Variants in IQGAP2 observed in about 807,000 individuals in gnomAD.
The protein encoded by IQGAP2 is ras GTPase-activating-like protein IQGAP2.
Under a neutral mutation model 201.3 loss-of-function variants are expected in IQGAP2, and 173 were observed. The ratio of observed to expected loss-of-function variants is 0.86; its 90% CI spans 0.76 to 0.98. IQGAP2 has a LOEUF of 0.98. IQGAP2 is among the 50% of genes least tolerant of loss of function. The pLI, the probability that IQGAP2 is intolerant of heterozygous loss-of-function variation, is 0.00. For synonymous variants in IQGAP2, 675 were observed against 673.9 expected, an observed-to-expected ratio of 1.00 and a Z score of -0.03; for missense variants, 1,687 against 1,864.8, an observed-to-expected ratio of 0.90 and a Z score of 1.76.
intron 6 of IQGAP2, 135 bp from the exon 7 acceptor site, chr5:76,589,480 T>C (rs1378248772): frequency 1.4e-5 from 7 of 511,136 alleles, no homozygotes; most frequent in Non-Finnish European, 2.4e-5. Context: ...GGCTAGGTTC[T>C]TCCTAAGGCT....
intron 2 of IQGAP2, among the ~76,000 whole-genome samples, chr5:76,514,414 G>A (rs1198583835): frequency 6.6e-6 from 1 of 152,126 alleles, no homozygotes; most frequent in Non-Finnish European, 1.5e-5. Flanking sequence ...CTCTGTGGAT[G>A]AGCTTTTCCT....
intron 2 of IQGAP2, among the ~76,000 whole-genome samples, chr5:76,477,501 T>C (rs1210921429): frequency 6.6e-6 from 1 of 152,202 alleles, no homozygotes; most frequent in Non-Finnish European, 1.5e-5. Flanking sequence ...GTGTTTGTGG[T>C]GATGCTGGTA....
At chr5:76,558,437 G>A in intron 2 of IQGAP2, among the ~76,000 whole-genome samples, 1 of 152,188 alleles carries the variant, frequency 6.6e-6, no homozygotes, top group East Asian at 1.9e-4. Flanking sequence ...GTGTTTTAAT[G>A]TGAAATCACC....
chr5:76,533,657 C>G (rs541369923), intron 2 of IQGAP2, among the ~76,000 whole-genome samples: 89 of 152,220 alleles, frequency 5.8e-4, no homozygotes, highest in African/African-American at 2.0e-3. Flanking sequence ...TCTCCTGCCT[C>G]AGCCTCCCGA....
At chr5:76,450,391 G>T (rs1753666897) in intron 1 of IQGAP2, among the ~76,000 whole-genome samples, 1 of 152,114 alleles carries the variant, frequency 6.6e-6, no homozygotes, top group Admixed American at 6.5e-5. Flanking sequence ...AAACATAAAG[G>T]TCAGTGAAGA....
At chr5:76,524,490 A>T (rs1758858610) in intron 2 of IQGAP2, among the ~76,000 whole-genome samples, 1 of 152,178 alleles carries the variant, frequency 6.6e-6, no homozygotes, top group Non-Finnish European at 1.5e-5. Context: ...AAAAATTCTG[A>T]TTGTGGGAAA....
At chr5:76,683,415 A>G (rs150229850) in intron 29 of IQGAP2, among the ~76,000 whole-genome samples, 198 bp downstream of exon 29, 2 of 152,374 alleles carry the variant, frequency 1.3e-5, no homozygotes, top group African/African-American at 4.8e-5. Context: ...GGATTATAAA[A>G]TAATTCAGTA....
At chr5:76,618,166 TG>T in intron 13 of IQGAP2, 1 of 1,614,116 alleles carries the variant, frequency 6.2e-7, no homozygotes, top group Non-Finnish European at 8.5e-7. Flanking sequence ...AGGAGCAGAA[TG>T]GAGCAGTACA....
intron 17 of IQGAP2, among the ~76,000 whole-genome samples, chr5:76,651,195 T>C (rs1752490221): frequency 6.6e-6 from 1 of 152,186 alleles, no homozygotes; most frequent in Admixed American, 6.5e-5. Context: ...TTTATGGAAA[T>C]TTGCTCTGCC....
chr5:76,655,094 T>G, intron 20 of IQGAP2, 91 bp downstream of exon 20: 1 of 868,256 alleles, frequency 1.2e-6, no homozygotes, highest in Non-Finnish European at 1.9e-6. Context: ...GAGGCTGCTC[T>G]AAGAACAGAG....
intron 21 of IQGAP2, among the ~76,000 whole-genome samples, chr5:76,659,806 C>T (rs1743094797): frequency 6.6e-6 from 1 of 152,044 alleles, no homozygotes; most frequent in South Asian, 2.1e-4. Context: ...AAAAAACACC[C>T]CTACGTATTT....
intron 1 of IQGAP2, among the ~76,000 whole-genome samples, chr5:76,426,236 C>G (rs1360473891): frequency 1.3e-5 from 2 of 152,106 alleles, no homozygotes; most frequent in Non-Finnish European, 2.9e-5. Flanking sequence ...AACAGCGTGC[C>G]CCAGAAGAAA....
intron 10 of IQGAP2, among the ~76,000 whole-genome samples, chr5:76,599,165 T>G (rs1322941498): frequency 6.6e-6 from 1 of 152,158 alleles, no homozygotes; most frequent in East Asian, 1.9e-4. Context: ...GAGGATCACT[T>G]GAGGCCAGGA....
chr5:76,458,445 G>C (rs894198365), intron 1 of IQGAP2, among the ~76,000 whole-genome samples: 27 of 152,258 alleles, frequency 1.8e-4, no homozygotes, highest in African/African-American at 6.3e-4. Flanking sequence ...AATATTTGCA[G>C]GCAGTCTCTG....
intron 3 of IQGAP2, among the ~76,000 whole-genome samples, chr5:76,569,843 T>C (rs1311157004): frequency 1.3e-5 from 2 of 152,224 alleles, no homozygotes; most frequent in Non-Finnish European, 2.9e-5. Flanking sequence ...TCCTGATAAA[T>C]TTTTATGAGA....
At position 76,490,139 on chromosome 5, in the gene IQGAP2, C is replaced by T. The variant is rs571752964; in HGVS notation, c.146+28470C>T. Among the ~76,000 whole-genome samples the T allele has an allele frequency of 9.9e-5, 15 of 152,152 alleles. 1 individual carries two copies. Among genetic ancestry groups the T allele is most frequent in the Admixed American group, 8.5e-4 (13 of 15,280 alleles). ...TGCCTTATACCCGTTTTCATTCTTG[C>T]GGACTTCTCAGGAGGAAGACAGGTT... On this transcript the variant is annotated intron_variant, in intron 2 of 35. Coordinates refer to ENST00000274364, the MANE Select transcript of IQGAP2 (RefSeq NM_006633.5).
intron 1 of IQGAP2, among the ~76,000 whole-genome samples, chr5:76,454,706 G>T (rs1227263287): frequency 2.0e-5 from 3 of 151,478 alleles, no homozygotes; most frequent in Admixed American, 6.6e-5. Context: ...TGGACATTTG[G>T]GTTGGTTCCA....
intron 29 of IQGAP2, among the ~76,000 whole-genome samples, chr5:76,683,470 C>T (rs941898229): frequency 6.6e-6 from 1 of 152,142 alleles, no homozygotes; most frequent in Non-Finnish European, 1.5e-5. Context: ...AATTGTCAAC[C>T]TGTATTATAC....
intron 2 of IQGAP2, among the ~76,000 whole-genome samples, chr5:76,475,232 A>C (rs1320055281): frequency 6.6e-6 from 1 of 152,194 alleles, no homozygotes; most frequent in African/African-American, 2.4e-5. Flanking sequence ...AAAAAGCAGT[A>C]GTGCATCAGC....
Sources: gnomAD v4.1 joint callset for allele counts (sites outside exome capture counted in the v4.1 genomes callset) on GRCh38, gnomAD v4.1.1 for gene constraint, MANE v1.5 for transcripts, NCBI Gene and HGNC (gene_info 2026-07-23, HGNC 2026-07-21) for gene names.